Variants in CELF5 observed in about 807,000 individuals in gnomAD.
CELF5 encodes CUG-BP and ETR-3 like factor 5.
CELF5 carries 6 observed loss-of-function variants against 54.9 expected under a neutral mutation model. The observed-to-expected ratio is 0.11, with a 90% confidence interval of 0.06 to 0.22. CELF5 has a LOEUF of 0.22. Among genes scored for constraint, CELF5 ranks in the 10% least tolerant of loss-of-function variants. The pLI is 1.00. For missense variants in CELF5, 401 were observed against 678.6 expected (o/e 0.59, Z 4.54); for synonymous variants, 271 against 290.9 (o/e 0.93, Z 0.70).
At chr19:3,294,993 C>T (rs1026331211) in intron 12 of CELF5, 2 of 152,206 alleles carry the variant, frequency 1.3e-5, no homozygotes, top group African/African-American at 4.8e-5. Flanking sequence ...AGGTGGTGTC[C>T]ACCTGTGTGG....
At chr19:3,249,159 G>C (rs952010877) in intron 1 of CELF5, among the ~76,000 whole-genome samples, 2 of 151,868 alleles carry the variant, frequency 1.3e-5, no homozygotes, top group Non-Finnish European at 2.9e-5. Context: ...GTGTCCCTGG[G>C]AGACCAGGGA....
chr19:3,236,511 A>G (rs1277525179), intron 1 of CELF5, among the ~76,000 whole-genome samples: 1 of 152,138 alleles, frequency 6.6e-6, no homozygotes, highest in East Asian at 1.9e-4. Context: ...GACCCCTGCC[A>G]TGCAGGGGGT....
chr19:3,264,234 C>A (rs1330994809), intron 2 of CELF5, among the ~76,000 whole-genome samples: 1 of 151,572 alleles, frequency 6.6e-6, no homozygotes, highest in Non-Finnish European at 1.5e-5. Flanking sequence ...CATAGTGACA[C>A]CCCATCTGAA....
In CELF5 at chr19:3,246,521, T is replaced by C. The variant is rs1415488014; in HGVS notation, c.260-4464T>C. Reference sequence around the variant, plus strand: ...GAGTTCAGGACCAGCCTGAGCAACATAGCAAGACCCCATCTCTAATAATAA... The same window carrying C: ...GAGTTCAGGACCAGCCTGAGCAACACAGCAAGACCCCATCTCTAATAATAA... On this transcript the variant is annotated intron_variant, in intron 1 of 12. Transcript: ENST00000292672. 3.9e-5 allele frequency among the ~76,000 whole-genome samples: 6 copies of C among 151,904 alleles called. No individual in the cohort carries two copies. The South Asian group carries it at 1.0e-3, about 26-fold the overall frequency.
At chr19:3,225,516 T>C in intron 1 of CELF5, 1 of 924,912 alleles carries the variant, frequency 1.1e-6, no homozygotes. Context: ...TCGGGGAAGT[T>C]TGCACCTGCG....
At position 3,224,681 on chromosome 19, in the gene CELF5, C is replaced by A. The variant is rs1916784724; in HGVS notation, c.-59C>A. On this transcript the variant is annotated 5_prime_UTR_variant, in exon 1 of 13. Transcript: ENST00000292672. ...GAGGCGGGAGGCGCGGCCGCCGCTC[C>A]AGCTGCGAGTCCGCCCGCCGCCCGC... 1 of 988,784 alleles carries A rather than the reference C, an allele frequency of 1.0e-6. No homozygotes were observed. The highest frequency in any genetic ancestry group is 4.5e-5 in the South Asian group (1 of 22,176). The allele number at this position is 988,784 out of a possible 1,614,324, so 61.3% of individuals were successfully genotyped here.
At chr19:3,259,762 A>G (rs2079782240) in intron 2 of CELF5, among the ~76,000 whole-genome samples, 1 of 149,784 alleles carries the variant, frequency 6.7e-6, no homozygotes, top group African/African-American at 2.5e-5. Flanking sequence ...GGGAACATTT[A>G]CGGTTGTCAC....
chr19:3,262,836 G>A (rs2079823912), intron 2 of CELF5, among the ~76,000 whole-genome samples: 1 of 152,130 alleles, frequency 6.6e-6, no homozygotes, highest in South Asian at 2.1e-4. Flanking sequence ...CTACTTGGGA[G>A]GCTGAGACAG....
chr19:3,247,964 C>T (rs1386482859), intron 1 of CELF5, among the ~76,000 whole-genome samples: 1 of 151,910 alleles, frequency 6.6e-6, no homozygotes, highest in Non-Finnish European at 1.5e-5. Context: ...GGAGTTTCGC[C>T]TTTTGGGCCA....
At chr19:3,247,850 C>T (rs567101251) in intron 1 of CELF5, among the ~76,000 whole-genome samples, 13 of 151,924 alleles carry the variant, frequency 8.6e-5, no homozygotes, top group East Asian at 3.9e-4. Context: ...CAAACTCTGC[C>T]GCCCGGGTTC....
intron 12 of CELF5, chr19:3,295,280 C>T (rs1012771622): frequency 3.9e-5 from 6 of 151,970 alleles, no homozygotes; most frequent in African/African-American, 1.5e-4. Context: ...GCCCCCCCTG[C>T]TTTGGGAAAC....
intron 1 of CELF5, 28 bp downstream of exon 1, chr19:3,225,026 C>T (rs1376271902): frequency 8.8e-6 from 11 of 1,256,662 alleles, no homozygotes; most frequent in Non-Finnish European, 1.1e-5. Context: ...TCCCCCCTCT[C>T]CCCCTCCCTC....
Position 3,281,065 on chromosome 19 carries a change from C to A in CELF5, c.604-134C>A. 1 of 1,061,586 alleles carries A rather than the reference C, an allele frequency of 9.4e-7. No individual in the cohort carries two copies. Among genetic ancestry groups the A allele is most frequent in the Non-Finnish European group, 1.4e-6 (1 of 723,556 alleles). The allele number at this position is 1,061,586 out of a possible 1,614,324, so 65.8% of individuals were successfully genotyped here. A position where few individuals can be genotyped will look rare whatever the true frequency, so the allele number is the denominator to read the frequency against. The stretch of plus-strand genomic sequence containing the variant: ...GTGGCCCTGGCTCCTGGGGTGGGGG[C>A]CCGTGGACATGGCTGACAGCCACTG... On this transcript the variant is annotated intron_variant, in intron 5 of 12. Transcript: ENST00000292672. This position sits in a 1 kb window ranked among gnomAD's most constrained non-coding sequence, Gnocchi z 6.5.
intron 2 of CELF5, among the ~76,000 whole-genome samples, chr19:3,260,300 A>G (rs1256929676): frequency 6.6e-6 from 1 of 151,716 alleles, no homozygotes; most frequent in African/African-American, 2.4e-5. Context: ...TGTTTTTAGT[A>G]GAGATGGGGT....
chr19:3,271,076 A>G (rs978661008), intron 2 of CELF5, among the ~76,000 whole-genome samples: 4 of 150,806 alleles, frequency 2.7e-5, no homozygotes, highest in African/African-American at 4.9e-5. Context: ...GGCGGTTTCC[A>G]TGGCAACAAC....
chr19:3,248,590 C>T (rs1259788946), intron 1 of CELF5, among the ~76,000 whole-genome samples: 1 of 152,136 alleles, frequency 6.6e-6, no homozygotes, highest in Non-Finnish European at 1.5e-5. Context: ...TGTGGGTCGA[C>T]CGTATTGTAT....
chr19:3,286,902 G>T (rs2080258619), intron 10 of CELF5: 1 of 151,756 alleles, frequency 6.6e-6, no homozygotes, highest in South Asian at 2.1e-4. Context: ...GGGTGTGGTG[G>T]CGGGCGCCTG....
intron 1 of CELF5, among the ~76,000 whole-genome samples, chr19:3,235,538 G>T (rs113479662): frequency 0.071 from 390 of 5,464 alleles, no homozygotes; most frequent in Middle Eastern, 0.17. Context: ...AGGTGGGTGG[G>T]TGGATGGGTG....
intron 11 of CELF5, among the ~76,000 whole-genome samples, chr19:3,291,103 A>C (rs189410389): frequency 4.4e-5 from 6 of 136,616 alleles, no homozygotes; most frequent in African/African-American, 1.5e-4. Flanking sequence ...TCTACAAAAA[A>C]TACAAAAAAA....
Sources: gnomAD v4.1 joint callset for allele counts (sites outside exome capture counted in the v4.1 genomes callset) on GRCh38, gnomAD v4.1.1 for gene constraint, Gnocchi (gnomAD v3.1) non-coding constraint, MANE v1.5 for transcripts, NCBI Gene and HGNC (gene_info 2026-07-23, HGNC 2026-07-21) for gene names.